The following EPHB1 variants were observed in gnomAD, a reference collection of about 807,000 sequenced individuals.
EPHB1 encodes the protein ephrin type-B receptor 1.
EPHB1 carries 30 observed loss-of-function variants against 94.4 expected under a neutral mutation model. The ratio of observed to expected loss-of-function variants is 0.32; its 90% confidence interval spans 0.24 to 0.43. The LOEUF is 0.43. Ranked by LOEUF, EPHB1 falls within the 20% of genes least tolerant of loss-of-function variation. EPHB1 has a pLI of 1.00. For synonymous variants in EPHB1, 522 were observed against 489.1 expected, an observed-to-expected ratio of 1.07 and a Z score of -0.89; for missense variants, 1,055 against 1,308.3, an observed-to-expected ratio of 0.81 and a Z score of 2.99.
At chr3:135,148,814 C>T (rs1393907576) in intron 5 of EPHB1, among the ~76,000 whole-genome samples, 1 of 152,178 alleles carries the variant, frequency 6.6e-6, no homozygotes, top group African/African-American at 2.4e-5. Flanking sequence ...ACTCAGCCTG[C>T]CTTTGTTTTT....
At chr3:135,061,364 G>GACC (rs980785718) in intron 3 of EPHB1, among the ~76,000 whole-genome samples, 13 of 37,630 alleles carry the variant, frequency 3.5e-4, no homozygotes, top group Admixed American at 1.3e-3. Context: ...ACTTAGGAAT[G>GACC]ACCACCCCCC....
chr3:135,060,902 T>A (rs73216128), intron 3 of EPHB1, among the ~76,000 whole-genome samples: 5,590 of 152,228 alleles, frequency 0.037, 159 homozygotes, highest in East Asian at 0.14. Flanking sequence ...TTCTATTTTT[T>A]TTTTTGTACC....
At chr3:134,832,493 T>C (rs1455710920) in intron 1 of EPHB1, among the ~76,000 whole-genome samples, 5 of 152,234 alleles carry the variant, frequency 3.3e-5, no homozygotes, top group African/African-American at 1.2e-4. Flanking sequence ...TTCTGTCTTC[T>C]GGCTTCAGTC....
chr3:135,072,912 C>T (rs954584973), intron 3 of EPHB1, among the ~76,000 whole-genome samples: 1 of 152,114 alleles, frequency 6.6e-6, no homozygotes, highest in African/African-American at 2.4e-5. Context: ...GAGTTGGCCC[C>T]TACATTTTCC....
chr3:135,064,897 G>A lies in EPHB1; in HGVS notation c.806-41551G>A, dbSNP rs61125327. On this transcript the variant is annotated intron_variant, in intron 3 of 15. Transcript: ENST00000398015. ...TGCTGTATCCCAGAGGTTTTGATAG[G>A]TTGTGTCACCATTGTCCTTCAGTTT... Among the ~76,000 whole-genome samples, 769 of 152,136 alleles carry A rather than the reference G, an allele frequency of 5.1e-3. 5 individuals carry two copies. Among genetic ancestry groups the A allele is most frequent in the African/African-American group, 0.018 (727 of 41,512 alleles).
intron 4 of EPHB1, among the ~76,000 whole-genome samples, chr3:135,112,533 TC>T (rs1032974914): frequency 3.5e-5 from 3 of 85,264 alleles, no homozygotes; most frequent in Admixed American, 1.5e-4. Flanking sequence ...ATGCTATCCC[TC>T]CCCCCTCCCC....
intron 1 of EPHB1, among the ~76,000 whole-genome samples, chr3:134,874,125 A>T (rs6793377): frequency 0.41 from 61,995 of 152,026 alleles, 13,644 homozygotes; most frequent in African/African-American, 0.58. Context: ...AACAGACAGA[A>T]CTTTGGATAT....
At chr3:134,996,850 C>CT (rs1326303037) in intron 3 of EPHB1, among the ~76,000 whole-genome samples, 4 of 151,832 alleles carry the variant, frequency 2.6e-5, no homozygotes, top group Non-Finnish European at 5.9e-5. Flanking sequence ...ATGAATAAAC[C>CT]TTTGTCATGT....
chr3:135,169,842 C>T (rs1027816435), intron 9 of EPHB1, among the ~76,000 whole-genome samples: 1 of 152,176 alleles, frequency 6.6e-6, no homozygotes, highest in African/African-American at 2.4e-5. Flanking sequence ...GACTACACAC[C>T]CTCTAAGCCG....
At chr3:135,016,243 C>T (rs1935793390) in intron 3 of EPHB1, among the ~76,000 whole-genome samples, 1 of 152,210 alleles carries the variant, frequency 6.6e-6, no homozygotes, top group African/African-American at 2.4e-5. Context: ...CAGCAACAGC[C>T]TCTGTTTTCC....
chr3:135,135,921 T>C (rs1242194906), intron 5 of EPHB1, among the ~76,000 whole-genome samples: 2 of 152,254 alleles, frequency 1.3e-5, no homozygotes, highest in Non-Finnish European at 2.9e-5. Context: ...CATGTTTGTG[T>C]TTCTTTTGAG....
At chr3:134,853,366 C>G (rs529013086) in intron 1 of EPHB1, among the ~76,000 whole-genome samples, 1 of 152,264 alleles carries the variant, frequency 6.6e-6, no homozygotes, top group South Asian at 2.1e-4. Flanking sequence ...GTGTGAGCAG[C>G]CTCTCACAGT....
At chr3:135,056,883 G>T (rs774225668) in intron 3 of EPHB1, among the ~76,000 whole-genome samples, 6 of 152,186 alleles carry the variant, frequency 3.9e-5, no homozygotes, top group Non-Finnish European at 8.8e-5. Context: ...GGGCTGCCAT[G>T]CTGGGAGAAG....
chr3:134,907,254 C>CT (rs1236641397), intron 1 of EPHB1, among the ~76,000 whole-genome samples: 1 of 152,220 alleles, frequency 6.6e-6, no homozygotes, highest in African/African-American at 2.4e-5. Context: ...AGATTGGAAC[C>CT]TTTATCTTTT....
chr3:134,852,091 C>T lies in EPHB1; in HGVS notation c.58+56402C>T, dbSNP rs948921542. Among the ~76,000 whole-genome samples the T allele has an allele frequency of 4.6e-5, 7 of 152,158 alleles. No homozygotes were observed. In the East Asian group the frequency reaches 1.3e-3, roughly 29 times the overall value. ...CCTGGCAGTCGGCTGTGCACTTTAC[C>T]CACCTCGGGGCGTATTTCTACCTGT... On this transcript the variant is annotated intron_variant, in intron 1 of 15. Coordinates refer to ENST00000398015, the MANE Select transcript of EPHB1 (RefSeq NM_004441.5).
chr3:135,053,027 G>GTATATA lies in EPHB1; in HGVS notation c.806-53398_806-53393dup, dbSNP rs1243029809. On this transcript the variant is annotated intron_variant, in intron 3 of 15. Coordinates refer to ENST00000398015, the MANE Select transcript of EPHB1 (RefSeq NM_004441.5). ...TGTGTATATATATGTGTGTGTGTGT[G>GTATATA]TATATATATATATATATATATATAT... Among the ~76,000 whole-genome samples, 439 of 110,406 alleles carry GTATATA rather than the reference G, an allele frequency of 4.0e-3. 15 individuals are homozygous for GTATATA. Among genetic ancestry groups the GTATATA allele is most frequent in the African/African-American group, 0.014 (321 of 23,622 alleles). The allele number at this position is 110,406 out of a possible 152,430, so 72.4% of individuals were successfully genotyped here. A position where few individuals can be genotyped will look rare whatever the true frequency, so the allele number is the denominator to read the frequency against.
At chr3:134,817,559 G>T in intron 1 of EPHB1, among the ~76,000 whole-genome samples, 1 of 152,240 alleles carries the variant, frequency 6.6e-6, no homozygotes, top group East Asian at 1.9e-4. Context: ...GGGAGTCAGA[G>T]AACTGGCTCA....
chr3:134,952,092 G>A, intron 3 of EPHB1, 40 bp downstream of exon 3: 1 of 1,547,514 alleles, frequency 6.5e-7, no homozygotes, highest in Non-Finnish European at 8.7e-7. Context: ...ATCTATGGCA[G>A]GGCCAGATCT....
intron 7 of EPHB1, 148 bp downstream of exon 7, chr3:135,162,328 C>A: frequency 1.1e-6 from 1 of 943,726 alleles, no homozygotes; most frequent in Non-Finnish European, 1.5e-6. Flanking sequence ...CCCAGTAGGG[C>A]CATGTAGATT....
Sources: gnomAD v4.1 joint callset for allele counts (sites outside exome capture counted in the v4.1 genomes callset) on GRCh38, gnomAD v4.1.1 for gene constraint, MANE v1.5 for transcripts, NCBI Gene and HGNC (gene_info 2026-07-23, HGNC 2026-07-21) for gene names.